The following DNM2 variants were observed in gnomAD, a reference collection of about 807,000 sequenced individuals.
DNM2 encodes dynamin 2, also known as dynamin-2.
A neutral mutation model predicts 99.0 loss-of-function variants in DNM2; 15 were observed. The ratio of observed to expected loss-of-function variants is 0.15; its 90% CI spans 0.10 to 0.23. The LOEUF is 0.23. DNM2 is among the 10% of genes least tolerant of loss of function. DNM2 has a pLI of 1.00. For synonymous variants in DNM2, 525 were observed against 481.2 expected (o/e 1.09, Z -1.19); for missense variants, 742 against 1,189.4 (o/e 0.62, Z 5.53).
intron 1 of DNM2, among the ~76,000 whole-genome samples, chr19:10,731,734 G>A (rs2069327687): frequency 6.6e-6 from 1 of 152,232 alleles, no homozygotes; most frequent in Non-Finnish European, 1.5e-5. Flanking sequence ...CTTGACGAAG[G>A]CTTCCTGTGG....
At chr19:10,760,221 A>C (rs1407780115) in intron 2 of DNM2, among the ~76,000 whole-genome samples, 3 of 127,424 alleles carry the variant, frequency 2.4e-5, no homozygotes, top group Admixed American at 7.9e-5. Context: ...TTGTATTTTT[A>C]GTAGAGACAG....
chr19:10,801,922 A>C (rs1436044363), intron 11 of DNM2, among the ~76,000 whole-genome samples: 3 of 151,932 alleles, frequency 2.0e-5, no homozygotes, highest in Admixed American at 1.3e-4. Context: ...AAAAAAAAAA[A>C]AACAAAAAAA....
At chr19:10,815,392 T>C (rs1364846846) in intron 15 of DNM2, among the ~76,000 whole-genome samples, 3 of 152,206 alleles carry the variant, frequency 2.0e-5, no homozygotes, top group African/African-American at 7.2e-5. Context: ...AGGATATTGG[T>C]TGGGTGGTGT....
Position 10,775,824 on chromosome 19 carries a change from C to T in DNM2, c.507C>T (p.Ser169=), listed in dbSNP as rs754861829. Residue 169 remains serine (S), a synonymous_variant, in exon 4 of 21, where the codon AGC becomes AGT. Transcript: ENST00000389253. This position sits in a 1 kb window ranked among gnomAD's most constrained non-coding sequence, Gnocchi z 4.3. The part of the protein sequence containing the change: ...MILQFISRES[S]LILAVTPANM... Reference sequence around the variant, plus strand: ...TGCAGTTCATCAGCCGGGAGAGCAGCCTCATTCTGGCTGTCACGCCCGCCA... The same window carrying T: ...TGCAGTTCATCAGCCGGGAGAGCAGTCTCATTCTGGCTGTCACGCCCGCCA... 1.2e-6 allele frequency: 2 copies of T among 1,614,128 alleles called. No homozygotes were observed. The highest frequency in any genetic ancestry group is 1.7e-6 in the Non-Finnish European group (2 of 1,180,040).
rs932504378 is a variant in DNM2, at chr19:10,808,664, C to T, written c.1557+84C>T. The T allele has an allele frequency of 3.4e-5, 50 of 1,478,460 alleles. No homozygotes were observed. In the African/African-American group the frequency reaches 6.1e-4, roughly 18 times the overall value. The allele number at this position is 1,478,460 out of a possible 1,614,324, so 91.6% of individuals were successfully genotyped here. ...CGCCCACCCCTAATATTCCCTGTTC[C>T]CCATCCCCTCCAAATAACAAAAATA... On this transcript the variant is annotated intron_variant, in intron 14 of 20. Transcript: ENST00000389253.
At chr19:10,750,496 C>T (rs1201021640) in intron 1 of DNM2, among the ~76,000 whole-genome samples, 2 of 151,576 alleles carry the variant, frequency 1.3e-5, no homozygotes, top group Admixed American at 6.6e-5. Flanking sequence ...AAAAAATTAG[C>T]CAAGCATGGT....
At chr19:10,732,105 C>G (rs2069344094) in intron 1 of DNM2, among the ~76,000 whole-genome samples, 1 of 151,520 alleles carries the variant, frequency 6.6e-6, no homozygotes, top group African/African-American at 2.4e-5. Context: ...CAGGCGTGCA[C>G]CATCACACCC....
intron 1 of DNM2, among the ~76,000 whole-genome samples, chr19:10,753,252 C>T (rs371623992): frequency 7.2e-5 from 11 of 152,136 alleles, no homozygotes; most frequent in African/African-American, 9.7e-5. Flanking sequence ...GTGTATGATG[C>T]GGAATTCAAA....
At chr19:10,809,272 T>C (rs573846578) in intron 14 of DNM2, 4 of 152,434 alleles carry the variant, frequency 2.6e-5, no homozygotes, top group African/African-American at 9.6e-5. Flanking sequence ...CTTTCCTAGA[T>C]GCTGCCTCTT....
At chr19:10,829,374 T>G (rs1475112573) in intron 19 of DNM2, 106 bp downstream of exon 19, 1 of 1,410,702 alleles carries the variant, frequency 7.1e-7, no homozygotes, top group Admixed American at 1.9e-5. Context: ...AGCCCAAGGG[T>G]GGCACCCAGG....
intron 1 of DNM2, among the ~76,000 whole-genome samples, chr19:10,728,959 G>T (rs1200510771): frequency 1.3e-5 from 2 of 148,918 alleles, no homozygotes; most frequent in South Asian, 2.1e-4. Flanking sequence ...AAAAAAAAAG[G>T]CTGTATGCGG....
intron 2 of DNM2, among the ~76,000 whole-genome samples, chr19:10,761,987 G>A (rs1251983917): frequency 6.6e-6 from 1 of 152,190 alleles, no homozygotes. Flanking sequence ...AATCAGTGTT[G>A]GTAGTTTTCT....
chr19:10,734,195 A>C (rs977227485), intron 1 of DNM2, among the ~76,000 whole-genome samples: 7 of 150,778 alleles, frequency 4.6e-5, no homozygotes, highest in Non-Finnish European at 8.9e-5. Flanking sequence ...TCTCTACAAA[A>C]AATTGAGTGT....
chr19:10,745,154 G>A (rs774253116), intron 1 of DNM2, among the ~76,000 whole-genome samples: 5 of 152,098 alleles, frequency 3.3e-5, no homozygotes, highest in Non-Finnish European at 5.9e-5. Context: ...AAAAAAACCC[G>A]AAGTGGAGGA....
At chr19:10,731,351 C>T (rs998384759) in intron 1 of DNM2, among the ~76,000 whole-genome samples, 7 of 148,098 alleles carry the variant, frequency 4.7e-5, no homozygotes, top group African/African-American at 1.8e-4. Context: ...TTTTCTTTTC[C>T]TTCTTTTTTT....
chr19:10,823,702 A>G lies in DNM2; in HGVS notation c.1782-86A>G, dbSNP rs1233658537. On this transcript the variant is annotated intron_variant, in intron 16 of 20. Transcript: ENST00000389253. ...GGTTTGGGTTCCTGATCAGTCAGAA[A>G]GACCCCTAGAGCCCATTCCTCTCGG... 5.1e-6 allele frequency: 7 copies of G among 1,367,462 alleles called. No individual in the cohort carries two copies. In the Middle Eastern group the frequency reaches 8.9e-4, roughly 174 times the overall value. The allele number at this position is 1,367,462 out of a possible 1,614,324, so 84.7% of individuals were successfully genotyped here. A position where few individuals can be genotyped will look rare whatever the true frequency, so the allele number is the denominator to read the frequency against.
intron 2 of DNM2, among the ~76,000 whole-genome samples, chr19:10,761,674 A>C (rs2070637400): frequency 6.6e-6 from 1 of 152,170 alleles, no homozygotes; most frequent in Non-Finnish European, 1.5e-5. Flanking sequence ...AGGCTTAGCC[A>C]TGCTGCCTGC....
chr19:10,766,668 C>T (rs778614938), intron 2 of DNM2, among the ~76,000 whole-genome samples: 14 of 151,990 alleles, frequency 9.2e-5, no homozygotes, highest in Non-Finnish European at 1.5e-4. Context: ...GCTCCAGCTT[C>T]AGTAGGGGAC....
chr19:10,720,119 C>G (rs558312845), intron 1 of DNM2, among the ~76,000 whole-genome samples: 57 of 152,270 alleles, frequency 3.7e-4, no homozygotes, highest in African/African-American at 1.3e-3. Context: ...AGCTCTGTCT[C>G]TTTCACTTGC....
Sources: allele counts gnomAD v4.1 joint callset (sites outside exome capture counted in the v4.1 genomes callset), GRCh38; gene constraint gnomAD v4.1.1; non-coding constraint Gnocchi (gnomAD v3.1); transcripts MANE v1.5; gene names NCBI Gene and HGNC (gene_info 2026-07-23, HGNC 2026-07-21).